The following TOB2 variants were observed in gnomAD, a reference collection of about 807,000 sequenced individuals.
TOB2 encodes protein Tob2.
A neutral mutation model predicts 17.3 loss-of-function variants in TOB2; 3 were observed. The ratio of observed to expected loss-of-function variants is 0.17; its 90% CI spans 0.08 to 0.45. TOB2 has a LOEUF of 0.45. TOB2 is among the 20% of genes least tolerant of loss of function. TOB2 has a pLI of 0.99. For synonymous variants in TOB2, 163 were observed against 185.6 expected (o/e 0.88, Z 0.99); for missense variants, 407 against 445.7 (o/e 0.91, Z 0.78).
chr22:41,444,019 C>CA (rs1491504088), intron 1 of TOB2, among the ~76,000 whole-genome samples: 5 of 152,310 alleles, frequency 3.3e-5, no homozygotes, highest in East Asian at 1.9e-4. Context: ...AAAAGATACT[C>CA]AGACACCTCT....
chr22:41,441,345 G>T (rs116642713), intron 1 of TOB2, among the ~76,000 whole-genome samples: 4 of 150,178 alleles, frequency 2.7e-5, no homozygotes, highest in Non-Finnish European at 5.9e-5. Context: ...ATAGTAGAAA[G>T]AATAAAGGGC....
At chr22:41,439,439 G>A (rs568000939) in intron 1 of TOB2, among the ~76,000 whole-genome samples, 3 of 152,204 alleles carry the variant, frequency 2.0e-5, no homozygotes, top group South Asian at 4.1e-4. Flanking sequence ...TCTCAGGCCT[G>A]GGCCCATGGC....
chr22:41,439,577 G>A (rs1218910983), intron 1 of TOB2, among the ~76,000 whole-genome samples: 3 of 151,920 alleles, frequency 2.0e-5, no homozygotes, highest in East Asian at 3.9e-4. Flanking sequence ...CTGCAGTGGC[G>A]TGATCTTGGC....
rs1010481715 is a variant in TOB2 at position 41,435,555 on chromosome 22, T to C, written c.*756A>G. On this transcript the variant is annotated 3_prime_UTR_variant, in exon 2 of 2. Coordinates refer to ENST00000327492, the MANE Select transcript of TOB2 (RefSeq NM_016272.4). Reference sequence around the variant, plus strand: ...GGCTGCATGAGGGAAAGAAAGCCCATACACATCAATGGCCAGGGCCATGAT... The same window carrying C: ...GGCTGCATGAGGGAAAGAAAGCCCACACACATCAATGGCCAGGGCCATGAT... 6.5e-6 allele frequency: 1 copy of C among 152,686 alleles called. No individual in the cohort carries two copies. The highest frequency in any genetic ancestry group is 2.4e-5 in the African/African-American group (1 of 41,448). The allele number at this position is 152,686 out of a possible 1,614,324, so 9.5% of individuals were successfully genotyped here.
chr22:41,435,421 T>C lies in TOB2; in HGVS notation c.*890A>G, dbSNP rs1340280258. 6.6e-6 allele frequency: 1 copy of C among 151,828 alleles called. No individual in the cohort carries two copies. Among genetic ancestry groups the C allele is most frequent in the African/African-American group, 2.4e-5 (1 of 41,248 alleles). The allele number at this position is 151,828 out of a possible 1,614,324, so 9.4% of individuals were successfully genotyped here. On this transcript the variant is annotated 3_prime_UTR_variant, in exon 2 of 2. Transcript: ENST00000327492. ...TAAGGACTTGCGACCCAGAATCACATCCAGAAGGGAAGTTTCACATGGCTT... is the reference window on the plus strand; with the variant it reads ...TAAGGACTTGCGACCCAGAATCACACCCAGAAGGGAAGTTTCACATGGCTT...
Position 41,433,656 on chromosome 22 carries a change from T to C in TOB2, c.*2655A>G, listed in dbSNP as rs1490148807. The C allele has an allele frequency of 3.2e-5, 10 of 310,652 alleles. No homozygotes were observed. The highest frequency in any genetic ancestry group is 1.3e-4 in the Admixed American group (3 of 23,618). The allele number at this position is 310,652 out of a possible 1,614,324, so 19.2% of individuals were successfully genotyped here. The stretch of plus-strand genomic sequence containing the variant: ...AACATTCTGAATACAAAACCCTTGA[T>C]TGTATTCCTCCTTCACTAAAGAAAA... On this transcript the variant is annotated 3_prime_UTR_variant, in exon 2 of 2. Transcript: ENST00000327492.
Position 41,433,687 on chromosome 22 carries a change from C to A in TOB2, c.*2624G>T. On this transcript the variant is annotated 3_prime_UTR_variant, in exon 2 of 2. Coordinates refer to ENST00000327492, the MANE Select transcript of TOB2 (RefSeq NM_016272.4). ...TCCTCCTTCACTAAAGAAAAAAGTTCATGACCCTGCTCCCCGGGCTCCTCT... is the reference window on the plus strand; with the variant it reads ...TCCTCCTTCACTAAAGAAAAAAGTTAATGACCCTGCTCCCCGGGCTCCTCT... 1.2e-5 allele frequency: 5 copies of A among 420,272 alleles called. No individual in the cohort carries two copies. The highest frequency in any genetic ancestry group is 3.8e-5 in the South Asian group (2 of 52,452). The allele number at this position is 420,272 out of a possible 1,614,324, so 26.0% of individuals were successfully genotyped here. A position where few individuals can be genotyped will look rare whatever the true frequency, so the allele number is the denominator to read the frequency against.
chr22:41,437,015 C>T lies in TOB2; in HGVS notation c.331G>A (p.Val111Met), dbSNP rs750384833. Residue 111 changes from valine (V) to methionine (M), a missense_variant, in exon 2 of 2, where the codon GTG (valine) becomes ATG (methionine). By Grantham distance (21) the Val-to-Met change is conservative. Transcript: ENST00000327492. ...YQIGEKGAVK[V>M]LYLDDSEGCG... is the part of the protein sequence containing the mutation. ...CCCTCACTGTCATCCAGGTACAGCA[C>T]TTTCACAGCTCCCTTCTCACCAATC... 12 of 1,614,188 alleles carry T rather than the reference C, an allele frequency of 7.4e-6. No homozygotes were observed. Among genetic ancestry groups the T allele is most frequent in the Non-Finnish European group, 1.0e-5 (12 of 1,180,036 alleles).
intron 1 of TOB2, among the ~76,000 whole-genome samples, chr22:41,446,004 G>T (rs962062493): frequency 6.6e-6 from 1 of 152,122 alleles, no homozygotes; most frequent in Non-Finnish European, 1.5e-5. Flanking sequence ...TCCTTCCTCG[G>T]ATTTATTTAA....
At chr22:41,441,160 C>T (rs1402997709) in intron 1 of TOB2, among the ~76,000 whole-genome samples, 1 of 151,336 alleles carries the variant, frequency 6.6e-6, no homozygotes, top group Non-Finnish European at 1.5e-5. Context: ...TATAAAAATA[C>T]AAAAATTATC....
rs749494672 is a variant in TOB2, at chr22:41,438,630, C to CAAAAAAAAAAAAAAAAAAAAAAAAAAAA, written c.-62-1251_-62-1224dup. On this transcript the variant is annotated intron_variant, in intron 1 of 1. Transcript: ENST00000327492. Reference sequence around the variant, plus strand: ...GGGCAACAAGAGCGAAACTCTGTCTCAAAAAAAAAAAAAAAAAAAAAAAAA... The same window carrying CAAAAAAAAAAAAAAAAAAAAAAAAAAAA: ...GGGCAACAAGAGCGAAACTCTGTCTCAAAAAAAAAAAAAAAAAAAAAAAAAAAAAAAAAAAAAAAAAAAAAAAAAAAAA... Among the ~76,000 whole-genome samples, 5 of 12,690 alleles carry CAAAAAAAAAAAAAAAAAAAAAAAAAAAA rather than the reference C, an allele frequency of 3.9e-4. 2 individuals are homozygous for CAAAAAAAAAAAAAAAAAAAAAAAAAAAA. Among genetic ancestry groups the CAAAAAAAAAAAAAAAAAAAAAAAAAAAA allele is most frequent in the Non-Finnish European group, 5.6e-4 (3 of 5,394 alleles). The allele number at this position is 12,690 out of a possible 152,430, so 8.3% of individuals were successfully genotyped here.
intron 1 of TOB2, among the ~76,000 whole-genome samples, chr22:41,438,630 CAAA>C (rs749494672): frequency 0.017 from 216 of 12,656 alleles, no homozygotes; most frequent in East Asian, 0.034. Flanking sequence ...AACTCTGTCT[CAAA>C]AAAAAAAAAA....
chr22:41,436,150 A>G lies in TOB2; in HGVS notation c.*161T>C. ...AGTGAAACACACTTGGGTGCTTTGC[A>G]GGGCCCTCCCATTCCGTGCCTGGGC... On this transcript the variant is annotated 3_prime_UTR_variant, in exon 2 of 2. Transcript: ENST00000327492. This position sits in a 1 kb window ranked among gnomAD's most constrained non-coding sequence, Gnocchi z 4.8. The G allele has an allele frequency of 2.2e-6, 2 of 911,904 alleles. No homozygotes were observed. Among genetic ancestry groups the G allele is most frequent in the Non-Finnish European group, 3.1e-6 (2 of 643,428 alleles). 56.5% of individuals were successfully genotyped at this position (911,904 alleles called of 1,614,324 possible).
At chr22:41,438,392 G>A (rs2037576861) in intron 1 of TOB2, among the ~76,000 whole-genome samples, 1 of 151,986 alleles carries the variant, frequency 6.6e-6, no homozygotes, top group Non-Finnish European at 1.5e-5. Context: ...ACTTTGGGAG[G>A]CTGAGGCGGG....
At chr22:41,440,307 C>A (rs564017965) in intron 1 of TOB2, among the ~76,000 whole-genome samples, 18 of 148,012 alleles carry the variant, frequency 1.2e-4, no homozygotes, top group Admixed American at 1.0e-3. Flanking sequence ...TCAGTAGAGA[C>A]GGGGTTTCCC....
In TOB2 at chr22:41,446,592, G is replaced by A. The variant is rs908172331; in HGVS notation, c.-276C>T. 2 of 152,802 alleles carry A rather than the reference G, an allele frequency of 1.3e-5. No homozygotes were observed. The highest frequency in any genetic ancestry group is 1.3e-4 in the Admixed American group (2 of 15,280). The allele number at this position is 152,802 out of a possible 1,614,324, so 9.5% of individuals were successfully genotyped here. ...ATTTCTTTCAGCTCTTAGGAGGTCG[G>A]GCTCGGCAGCGGGGGGCCCGAGGGC... On this transcript the variant is annotated 5_prime_UTR_variant, in exon 1 of 2. Transcript: ENST00000327492.
Position 41,438,630 on chromosome 22 carries a change from C to CAAAAAAAAAAAAAAAA in TOB2, c.-62-1239_-62-1224dup, listed in dbSNP as rs749494672. ...GGGCAACAAGAGCGAAACTCTGTCTCAAAAAAAAAAAAAAAAAAAAAAAAA... is the reference window on the plus strand; with the variant it reads ...GGGCAACAAGAGCGAAACTCTGTCTCAAAAAAAAAAAAAAAAAAAAAAAAAAAAAAAAAAAAAAAAA... On this transcript the variant is annotated intron_variant, in intron 1 of 1. Coordinates refer to ENST00000327492, the MANE Select transcript of TOB2 (RefSeq NM_016272.4). Among the ~76,000 whole-genome samples, 38 of 12,688 alleles carry CAAAAAAAAAAAAAAAA rather than the reference C, an allele frequency of 3.0e-3. 10 individuals are homozygous for CAAAAAAAAAAAAAAAA. Among genetic ancestry groups the CAAAAAAAAAAAAAAAA allele is most frequent in the South Asian group, 5.1e-3 (1 of 198 alleles). 8.3% of individuals were successfully genotyped at this position (12,688 alleles called of 152,430 possible). A position where few individuals can be genotyped will look rare whatever the true frequency, so the allele number is the denominator to read the frequency against.
At chr22:41,440,339 G>A (rs1284297796) in intron 1 of TOB2, among the ~76,000 whole-genome samples, 5 of 150,448 alleles carry the variant, frequency 3.3e-5, no homozygotes, top group East Asian at 4.0e-4. Flanking sequence ...GGATGGTCTC[G>A]AACTGCTGAC....
intron 1 of TOB2, among the ~76,000 whole-genome samples, chr22:41,444,322 A>T (rs2037655835): frequency 6.6e-6 from 1 of 152,128 alleles, no homozygotes; most frequent in Non-Finnish European, 1.5e-5. Flanking sequence ...CTAGACACAG[A>T]CCGGTCAACC....
Sources: allele counts gnomAD v4.1 joint callset (sites outside exome capture counted in the v4.1 genomes callset), GRCh38; gene constraint gnomAD v4.1.1; non-coding constraint Gnocchi (gnomAD v3.1); transcripts MANE v1.5; gene names NCBI Gene and HGNC (gene_info 2026-07-23, HGNC 2026-07-21).